GALNTL6: variants seen among roughly 807,000 people sequenced by gnomAD.
GALNTL6 encodes the protein polypeptide N-acetylgalactosaminyltransferase-like 6.
A neutral mutation model predicts 73.7 loss-of-function variants in GALNTL6; 46 were observed. The ratio of observed to expected loss-of-function variants is 0.62; its 90% confidence interval spans 0.49 to 0.80. The LOEUF (loss-of-function observed/expected upper bound fraction) is 0.80. GALNTL6 is among the 30% of genes least tolerant of loss of function. GALNTL6 has a pLI of 0.00. For missense variants in GALNTL6, 604 were observed against 755.0 expected (o/e 0.80, Z 2.34); for synonymous variants, 259 against 263.7 (o/e 0.98, Z 0.17).
intron 7 of GALNTL6, among the ~76,000 whole-genome samples, chr4:172,840,693 A>G (rs1743159968): frequency 1.3e-5 from 2 of 152,202 alleles, no homozygotes; most frequent in South Asian, 4.2e-4. Flanking sequence ...CACACAATAT[A>G]TAGATGTTTG....
chr4:172,103,307 C>T (rs1027050106), intron 2 of GALNTL6, among the ~76,000 whole-genome samples: 6 of 152,016 alleles, frequency 3.9e-5, no homozygotes, highest in Non-Finnish European at 8.8e-5. Context: ...CTAAGGCCGA[C>T]GATTTTATGT....
chr4:171,944,597 T>C (rs973364735), intron 2 of GALNTL6, among the ~76,000 whole-genome samples: 1 of 152,070 alleles, frequency 6.6e-6, no homozygotes, highest in African/African-American at 2.4e-5. Flanking sequence ...CTTTTAAATA[T>C]ATTTATTGAT....
chr4:172,167,686 C>T (rs1248694059), intron 2 of GALNTL6, among the ~76,000 whole-genome samples: 14 of 152,046 alleles, frequency 9.2e-5, no homozygotes, highest in South Asian at 8.3e-4. Flanking sequence ...TGGCCGGGCG[C>T]GGTGGCTCAC....
At chr4:171,869,105 A>C (rs1736062302) in intron 2 of GALNTL6, among the ~76,000 whole-genome samples, 1 of 152,184 alleles carries the variant, frequency 6.6e-6, no homozygotes, top group Non-Finnish European at 1.5e-5. Context: ...CAATTACCTC[A>C]GTTGGTATAG....
intron 5 of GALNTL6, among the ~76,000 whole-genome samples, chr4:172,694,792 A>G (rs1477222419): frequency 6.6e-6 from 1 of 152,224 alleles, no homozygotes; most frequent in African/African-American, 2.4e-5. Flanking sequence ...TCCTCCAGTG[A>G]TAAAATATAA....
intron 10 of GALNTL6, among the ~76,000 whole-genome samples, chr4:172,965,439 T>A (rs1434872355): frequency 6.6e-6 from 1 of 151,736 alleles, no homozygotes; most frequent in Non-Finnish European, 1.5e-5. Flanking sequence ...AAAAATTAGC[T>A]GGGCGTGGTG....
intron 2 of GALNTL6, among the ~76,000 whole-genome samples, chr4:171,831,906 A>T (rs1375726116): frequency 6.6e-6 from 1 of 151,594 alleles, no homozygotes; most frequent in Non-Finnish European, 1.5e-5. Flanking sequence ...CTTTTAGGTA[A>T]CTACCCTGTT....
intron 5 of GALNTL6, among the ~76,000 whole-genome samples, chr4:172,410,642 A>G (rs1435122027): frequency 6.6e-6 from 1 of 152,104 alleles, no homozygotes; most frequent in Non-Finnish European, 1.5e-5. Context: ...ATGTAACTAT[A>G]CTTGTTTGGT....
chr4:172,127,269 G>C (rs1045702520), intron 2 of GALNTL6, among the ~76,000 whole-genome samples: 23 of 152,136 alleles, frequency 1.5e-4, no homozygotes, highest in African/African-American at 5.6e-4. Flanking sequence ...CTCAGTACGC[G>C]GCCACTCCAT....
At chr4:172,985,521 A>C (rs1345887740) in intron 10 of GALNTL6, among the ~76,000 whole-genome samples, 1 of 152,162 alleles carries the variant, frequency 6.6e-6, no homozygotes, top group Non-Finnish European at 1.5e-5. Context: ...GGGAATTGCA[A>C]TAAAGAGTTT....
At chr4:172,321,953 G>C (rs1048238049) in intron 4 of GALNTL6, among the ~76,000 whole-genome samples, 1 of 152,096 alleles carries the variant, frequency 6.6e-6, no homozygotes, top group Non-Finnish European at 1.5e-5. Context: ...CTCAGAAGCC[G>C]GGCAAGTGAG....
At chr4:172,953,383 G>T (rs554424477) in intron 10 of GALNTL6, among the ~76,000 whole-genome samples, 1 of 152,216 alleles carries the variant, frequency 6.6e-6, no homozygotes, top group African/African-American at 2.4e-5. Context: ...ATGAAGGCTA[G>T]ATGTTCACAC....
intron 2 of GALNTL6, among the ~76,000 whole-genome samples, chr4:171,846,969 G>C (rs951388396): frequency 1.5e-5 from 2 of 129,802 alleles, no homozygotes; most frequent in Non-Finnish European, 3.2e-5. Flanking sequence ...TATGAATATA[G>C]TTATATGTAA....
At chr4:172,014,530 T>A (rs1002465379) in intron 2 of GALNTL6, among the ~76,000 whole-genome samples, 1 of 152,052 alleles carries the variant, frequency 6.6e-6, no homozygotes, top group Non-Finnish European at 1.5e-5. Context: ...TTTTTTGTTG[T>A]TGTTGTTCCA....
At chr4:172,000,573 T>C (rs961110426) in intron 2 of GALNTL6, among the ~76,000 whole-genome samples, 6 of 152,120 alleles carry the variant, frequency 3.9e-5, no homozygotes, top group Non-Finnish European at 8.8e-5. Context: ...CTGTCTGTGC[T>C]CTGTGCATAA....
chr4:172,969,953 A>C (rs1750498123), intron 10 of GALNTL6, among the ~76,000 whole-genome samples: 1 of 152,318 alleles, frequency 6.6e-6, no homozygotes, highest in African/African-American at 2.4e-5. Flanking sequence ...AACCACAAAG[A>C]GAGGAATTTT....
At chr4:172,371,240 C>G (rs1742798118) in intron 5 of GALNTL6, among the ~76,000 whole-genome samples, 1 of 152,172 alleles carries the variant, frequency 6.6e-6, no homozygotes, top group South Asian at 2.1e-4. Flanking sequence ...ATTGTCCTGT[C>G]CTGAAAGGAG....
intron 2 of GALNTL6, among the ~76,000 whole-genome samples, chr4:171,984,553 G>A (rs1193124876): frequency 1.3e-5 from 2 of 152,076 alleles, no homozygotes; most frequent in Admixed American, 1.3e-4. Flanking sequence ...GTTATCTCTG[G>A]AGGCAACCTC....
At position 172,894,357 on chromosome 4, in the gene GALNTL6, T is replaced by C. The variant is rs368431173; in HGVS notation, c.1041+11450T>C. Among the ~76,000 whole-genome samples the C allele has an allele frequency of 1.4e-4, 21 of 152,358 alleles. 1 individual carries two copies. In the East Asian group the frequency reaches 2.1e-3, roughly 15 times the overall value. ...ATTGCTATATAAACTTCCCTCTTAG[T>C]ACTGCTTTTGCTGTATCCCATATAT... On this transcript the variant is annotated intron_variant, in intron 8 of 12. Coordinates refer to ENST00000506823, the MANE Select transcript of GALNTL6 (RefSeq NM_001034845.3).
Sources: allele counts gnomAD v4.1 joint callset (sites outside exome capture counted in the v4.1 genomes callset), GRCh38; gene constraint gnomAD v4.1.1; transcripts MANE v1.5; gene names NCBI Gene and HGNC (gene_info 2026-07-23, HGNC 2026-07-21).